The following KCNQ5 variants were observed in gnomAD, a reference collection of about 807,000 sequenced individuals.
The protein encoded by KCNQ5 is potassium voltage-gated channel subfamily KQT member 5.
KCNQ5 carries 30 observed loss-of-function variants against 98.2 expected under a neutral mutation model. The ratio of observed to expected loss-of-function variants is 0.31; its 90% CI spans 0.23 to 0.41. The LOEUF (loss-of-function observed/expected upper bound fraction) is 0.41. Ranked by LOEUF, KCNQ5 falls within the 10% of genes least tolerant of loss-of-function variation. The pLI, the probability that KCNQ5 is intolerant of heterozygous loss-of-function variation, is 1.00. For missense variants in KCNQ5, 835 were observed against 1,182.5 expected, an observed-to-expected ratio of 0.71 and a Z score of 4.31; for synonymous variants, 458 against 449.4, an observed-to-expected ratio of 1.02 and a Z score of -0.24.
intron 5 of KCNQ5, among the ~76,000 whole-genome samples, chr6:73,078,834 G>A (rs573230137): frequency 3.3e-5 from 5 of 152,174 alleles, no homozygotes; most frequent in African/African-American, 9.7e-5. Context: ...TCTGAACAAC[G>A]CATAGTTTTC....
chr6:72,794,871 AT>A (rs1370718938), intron 1 of KCNQ5, among the ~76,000 whole-genome samples: 3 of 152,230 alleles, frequency 2.0e-5, no homozygotes, highest in Admixed American at 6.5e-5. Context: ...CTTAAGTTTC[AT>A]TTGGTTGCAA....
intron 1 of KCNQ5, among the ~76,000 whole-genome samples, chr6:72,902,515 T>C (rs1191176228): frequency 1.3e-5 from 2 of 152,078 alleles, no homozygotes; most frequent in African/African-American, 2.4e-5. Context: ...AAGTATGTCC[T>C]GTATGTGCCA....
At chr6:72,754,276 T>C (rs1250364127) in intron 1 of KCNQ5, among the ~76,000 whole-genome samples, 2 of 152,160 alleles carry the variant, frequency 1.3e-5, no homozygotes, top group African/African-American at 4.8e-5. Flanking sequence ...TCTATTGACA[T>C]GTTGATTTTT....
At chr6:72,995,111 G>A (rs1259642049) in intron 1 of KCNQ5, among the ~76,000 whole-genome samples, 2 of 152,266 alleles carry the variant, frequency 1.3e-5, no homozygotes, top group South Asian at 2.1e-4. Flanking sequence ...GCTCATGCCT[G>A]TAATCCCAGC....
chr6:72,850,326 C>T (rs1215002846), intron 1 of KCNQ5, among the ~76,000 whole-genome samples: 5 of 152,122 alleles, frequency 3.3e-5, no homozygotes, highest in Non-Finnish European at 5.9e-5. Flanking sequence ...ACAGTTGGCA[C>T]GATCTATAAT....
chr6:73,149,489 G>A lies in KCNQ5; in HGVS notation c.1468+15848G>A, dbSNP rs73454754. Among the ~76,000 whole-genome samples the A allele has an allele frequency of 8.7e-3, 1,317 of 152,170 alleles. 21 individuals are homozygous for A. Among genetic ancestry groups the A allele is most frequent in the African/African-American group, 0.03 (1,267 of 41,542 alleles). On this transcript the variant is annotated intron_variant, in intron 10 of 13. Coordinates refer to ENST00000370398, the MANE Select transcript of KCNQ5 (RefSeq NM_019842.4). The stretch of plus-strand genomic sequence containing the variant: ...AATGTTCTTAGGCTTGACAACAAAG[G>A]CACTACCCATAAAAAGAAAACTGAT...
intron 1 of KCNQ5, among the ~76,000 whole-genome samples, chr6:72,754,567 G>A (rs1167572775): frequency 4.6e-5 from 7 of 152,022 alleles, no homozygotes; most frequent in Admixed American, 4.6e-4. Context: ...CAGGGACCAA[G>A]GATGCTGCCA....
intron 3 of KCNQ5, among the ~76,000 whole-genome samples, chr6:73,050,800 G>T (rs1772200082): frequency 6.6e-6 from 1 of 152,036 alleles, no homozygotes; most frequent in Admixed American, 6.5e-5. Flanking sequence ...CTGTAATTTT[G>T]TCATTTTTAT....
At chr6:73,022,668 C>T (rs941596311) in intron 2 of KCNQ5, among the ~76,000 whole-genome samples, 5 of 152,052 alleles carry the variant, frequency 3.3e-5, no homozygotes, top group Non-Finnish European at 7.4e-5. Context: ...AAGTTAAGTG[C>T]CCTAGCTCAT....
rs185949707 is a variant in KCNQ5, at chr6:72,870,133, T to A, written c.399-133775T>A. Among the ~76,000 whole-genome samples the A allele has an allele frequency of 1.1e-4, 17 of 152,312 alleles. No individual in the cohort carries two copies. The East Asian group carries it at 1.7e-3, about 16-fold the overall frequency. ...TATTTAAAAATGTTAAAATTTAGAATCATGGTATAATTATTACATTGTATA... is the reference window on the plus strand; with the variant it reads ...TATTTAAAAATGTTAAAATTTAGAAACATGGTATAATTATTACATTGTATA... On this transcript the variant is annotated intron_variant, in intron 1 of 13. Coordinates refer to ENST00000370398, the MANE Select transcript of KCNQ5 (RefSeq NM_019842.4).
chr6:73,088,023 C>CTCT (rs1554206943), intron 5 of KCNQ5, among the ~76,000 whole-genome samples: 24 of 133,366 alleles, frequency 1.8e-4, no homozygotes, highest in South Asian at 4.7e-4. Flanking sequence ...CTCTCTCTCT[C>CTCT]TTTTTTTTTT....
chr6:73,028,577 G>A (rs183027136), intron 2 of KCNQ5, among the ~76,000 whole-genome samples: 1 of 152,138 alleles, frequency 6.6e-6, no homozygotes, highest in African/African-American at 2.4e-5. Flanking sequence ...ACTTGACACC[G>A]CTCTATCACT....
chr6:73,001,095 G>A (rs745724785), intron 1 of KCNQ5, among the ~76,000 whole-genome samples: 6 of 152,144 alleles, frequency 3.9e-5, no homozygotes, highest in Non-Finnish European at 8.8e-5. Context: ...AATTTCTCTT[G>A]TTGAAACCTT....
At chr6:72,965,695 A>C (rs749820797) in intron 1 of KCNQ5, among the ~76,000 whole-genome samples, 8 of 152,132 alleles carry the variant, frequency 5.3e-5, no homozygotes, top group Non-Finnish European at 8.8e-5. Context: ...TTTATTTTTA[A>C]ATCCAAACTT....
chr6:73,109,060 C>T lies in KCNQ5; in HGVS notation c.1030-2248C>T, dbSNP rs146468478. On this transcript the variant is annotated intron_variant, in intron 6 of 13. Coordinates refer to ENST00000370398, the MANE Select transcript of KCNQ5 (RefSeq NM_019842.4). ...TTTCACAGACTTCTGTTTAGGTGCACCAAGCTGTGTACTAAGAGAGAGGTG... is the reference window on the plus strand; with the variant it reads ...TTTCACAGACTTCTGTTTAGGTGCATCAAGCTGTGTACTAAGAGAGAGGTG... Among the ~76,000 whole-genome samples, 335 of 152,110 alleles carry T rather than the reference C, an allele frequency of 2.2e-3. 1 individual carries two copies. The highest frequency in any genetic ancestry group is 7.3e-3 in the African/African-American group (304 of 41,486).
intron 2 of KCNQ5, among the ~76,000 whole-genome samples, chr6:73,016,310 G>A (rs758044936): frequency 6.6e-6 from 1 of 152,002 alleles, no homozygotes; most frequent in African/African-American, 2.4e-5. Context: ...AGCATACCTG[G>A]TGAGACAAGG....
At chr6:73,093,226 G>A (rs564637207) in intron 5 of KCNQ5, among the ~76,000 whole-genome samples, 1 of 152,088 alleles carries the variant, frequency 6.6e-6, no homozygotes, top group Admixed American at 6.6e-5. Flanking sequence ...ATGATCTTTT[G>A]TATTTCTGTG....
chr6:72,680,444 G>A (rs1442965823), intron 1 of KCNQ5, among the ~76,000 whole-genome samples: 1 of 152,156 alleles, frequency 6.6e-6, no homozygotes, highest in Non-Finnish European at 1.5e-5. Context: ...TGTGTGTTTG[G>A]ATCAGCTTAT....
At chr6:72,866,252 CTTTT>C (rs34839143) in intron 1 of KCNQ5, among the ~76,000 whole-genome samples, 3 of 113,768 alleles carry the variant, frequency 2.6e-5, no homozygotes, top group African/African-American at 3.6e-5. Flanking sequence ...CGCCATCTCC[CTTTT>C]TTTTTTTTTT....
Sources: allele counts gnomAD v4.1 joint callset (sites outside exome capture counted in the v4.1 genomes callset), GRCh38; gene constraint gnomAD v4.1.1; transcripts MANE v1.5; gene names NCBI Gene and HGNC (gene_info 2026-07-23, HGNC 2026-07-21).